The following RNF5 variants were observed in gnomAD, a reference collection of about 807,000 sequenced individuals.
RNF5 encodes ring finger protein 5.
RNF5 carries 16 observed loss-of-function variants against 24.4 expected under a neutral mutation model. The observed-to-expected ratio is 0.66, with a 90% confidence interval of 0.44 to 1.00. The LOEUF (loss-of-function observed/expected upper bound fraction) is 1.00, where lower values mean the gene tolerates loss of function less well. Ranked by LOEUF, RNF5 falls within the 50% of genes least tolerant of loss-of-function variation. RNF5 has a pLI of 0.00. For synonymous variants in RNF5, 64 were observed against 88.5 expected, an observed-to-expected ratio of 0.72 and a Z score of 1.55; for missense variants, 185 against 236.7, an observed-to-expected ratio of 0.78 and a Z score of 1.43.
chr6:32,180,299 C>T lies in RNF5; in HGVS notation c.516C>T (p.Phe172=), dbSNP rs1336881340. Residue 172 remains phenylalanine, a synonymous_variant, in exon 6 of 6, where the codon TTC becomes TTT. Transcript: ENST00000375094. The stretch of plus-strand genomic sequence containing the variant: ...CCCTCTTCCTGTTTCTCGCCATCTT[C>T]TTCTTTTTTTGGCTGCTCAGTATTT... The part of the protein sequence containing the change: ...QDSLFLFLAI[F]FFFWLLSI 15 of 1,610,282 alleles carry T rather than the reference C, an allele frequency of 9.3e-6. No individual in the cohort carries two copies. Among genetic ancestry groups the T allele is most frequent in the African/African-American group, 1.3e-5 (1 of 75,064 alleles).
chr6:32,180,443 G>A lies in RNF5; in HGVS notation c.*117G>A, dbSNP rs939380922. The A allele has an allele frequency of 1.1e-6, 1 of 914,204 alleles. No homozygotes were observed. The highest frequency in any genetic ancestry group is 2.4e-5 in the East Asian group (1 of 41,092). 56.6% of individuals were successfully genotyped at this position (914,204 alleles called of 1,614,324 possible). A position where few individuals can be genotyped will look rare whatever the true frequency, so the allele number is the denominator to read the frequency against. On this transcript the variant is annotated 3_prime_UTR_variant, in exon 6 of 6. Transcript: ENST00000375094. ...CCTCTATTTCTGTTGGCTAAGGCCAGCCCTGGACATTGTCCAGGAAGGCCT... is the reference window on the plus strand; with the variant it reads ...CCTCTATTTCTGTTGGCTAAGGCCAACCCTGGACATTGTCCAGGAAGGCCT...
chr6:32,179,997 C>T lies in RNF5; in HGVS notation c.328-12C>T. 6.2e-7 allele frequency: 1 copy of T among 1,614,124 alleles called. No homozygotes were observed. Among genetic ancestry groups the T allele is most frequent in the South Asian group, 1.1e-5 (1 of 91,086 alleles). On this transcript the variant is annotated splice_polypyrimidine_tract_variant and intron_variant, in intron 4 of 5. Coordinates refer to ENST00000375094, the MANE Select transcript of RNF5 (RefSeq NM_006913.4). The surrounding 1 kb of genome is among the most constrained non-coding windows in gnomAD (Gnocchi z 5.4). Reference sequence around the variant, plus strand: ...TTGCCGGCTTCCTGTCTGACTTTTTCTGCCTCCCTAGGGATTCCAGCCATT... The same window carrying T: ...TTGCCGGCTTCCTGTCTGACTTTTTTTGCCTCCCTAGGGATTCCAGCCATT...
In RNF5 at chr6:32,179,096, C is replaced by T. The variant is rs185565399; in HGVS notation, c.140+445C>T. On this transcript the variant is annotated intron_variant, in intron 1 of 5. Transcript: ENST00000375094. This position sits in a 1 kb window ranked among gnomAD's most constrained non-coding sequence, Gnocchi z 5.4. ...TATAAGGGCACTGTGGAGAGGCAGA[C>T]TTGAAAGGTTAAAGGGTCATAAAGA... Among the ~76,000 whole-genome samples, 1 of 151,930 alleles carries T rather than the reference C, an allele frequency of 6.6e-6. No homozygotes were observed. Among genetic ancestry groups the T allele is most frequent in the African/African-American group, 2.4e-5 (1 of 41,392 alleles).
chr6:32,179,942 T>C lies in RNF5; in HGVS notation c.327+11T>C. 10 of 1,614,238 alleles carry C rather than the reference T, an allele frequency of 6.2e-6. No homozygotes were observed. The highest frequency in any genetic ancestry group is 7.6e-6 in the Non-Finnish European group (9 of 1,180,038). Reference sequence around the variant, plus strand: ...CCGGAGAGCAGAGGGGTGAGTCTTCTTGTCCAGTTGTGTCCCTTCCTTGAC... The same window carrying C: ...CCGGAGAGCAGAGGGGTGAGTCTTCCTGTCCAGTTGTGTCCCTTCCTTGAC... On this transcript the variant is annotated intron_variant, in intron 4 of 5. Transcript: ENST00000375094. This position sits in a 1 kb window ranked among gnomAD's most constrained non-coding sequence, Gnocchi z 5.4.
chr6:32,180,259 C>G lies in RNF5; in HGVS notation c.476C>G (p.Ser159Cys). 6.2e-7 allele frequency: 1 copy of G among 1,612,138 alleles called. No homozygotes were observed. The highest frequency in any genetic ancestry group is 2.2e-5 in the East Asian group (1 of 44,834). Reference protein sequence around the residue: ...GVDLGQGHPASSWQDSLFLFL... With the variant: ...GVDLGQGHPACSWQDSLFLFL... The stretch of plus-strand genomic sequence containing the variant: ...GATCTGGGACAGGGTCACCCAGCCT[C>G]CAGCTGGCAGGATTCCCTCTTCCTG... Residue 159 changes from serine to cysteine, a missense_variant, in exon 6 of 6, where the codon TCC becomes TGC. Ser to Cys is a moderately radical substitution (Grantham distance 112). Transcript: ENST00000375094.
intron 1 of RNF5, 24 bp downstream of exon 1, chr6:32,178,675 G>C (rs1015837274): frequency 1.2e-6 from 2 of 1,606,332 alleles, no homozygotes; most frequent in Non-Finnish European, 1.7e-6. Context: ...AGGGGGGCGG[G>C]AGGTGGTGGG....
rs757729044 is a variant in RNF5 at position 32,178,698 on chromosome 6, A to G, written c.140+47A>G. 3.2e-6 allele frequency: 5 copies of G among 1,585,206 alleles called. No homozygotes were observed. In the South Asian group the frequency reaches 5.5e-5, roughly 18 times the overall value. On this transcript the variant is annotated intron_variant, in intron 1 of 5. Coordinates refer to ENST00000375094, the MANE Select transcript of RNF5 (RefSeq NM_006913.4). ...GGGAGGTGGTGGGTCTCGCTTATAT[A>G]CTGGAGAGGCTAGGAGCGAATAATC...
At position 32,180,470 on chromosome 6, in the gene RNF5, G is replaced by A; in HGVS notation, c.*144G>A. 1.4e-6 allele frequency: 1 copy of A among 711,100 alleles called. No individual in the cohort carries two copies. The highest frequency in any genetic ancestry group is 2.4e-6 in the Non-Finnish European group (1 of 414,280). 44.0% of individuals were successfully genotyped at this position (711,100 alleles called of 1,614,324 possible). A position where few individuals can be genotyped will look rare whatever the true frequency, so the allele number is the denominator to read the frequency against. On this transcript the variant is annotated 3_prime_UTR_variant, in exon 6 of 6. Coordinates refer to ENST00000375094, the MANE Select transcript of RNF5 (RefSeq NM_006913.4). ...CCTGGACATTGTCCAGGAAGGCCTG[G>A]GGAGGAGGAGTGAAGTCTGTGCATA...
In RNF5 at chr6:32,180,613, G is replaced by A. The variant is rs1007982265; in HGVS notation, c.*287G>A. On this transcript the variant is annotated 3_prime_UTR_variant, in exon 6 of 6. Coordinates refer to ENST00000375094, the MANE Select transcript of RNF5 (RefSeq NM_006913.4). ...CCTCTCCTAAGTCTTTGCTTTCCCT[G>A]ATTTCTTGATTTGATCTTCAAAGGT... 3 of 456,852 alleles carry A rather than the reference G, an allele frequency of 6.6e-6. No homozygotes were observed. The highest frequency in any genetic ancestry group is 7.7e-5 in the South Asian group (2 of 26,068). 28.3% of individuals were successfully genotyped at this position (456,852 alleles called of 1,614,324 possible).
rs1561863051 is a variant in RNF5 at position 32,179,711 on chromosome 6, GAGA to G, written c.223_225del (p.Lys75del). 6.2e-7 allele frequency: 1 copy of G among 1,614,188 alleles called. No individual in the cohort carries two copies. Among genetic ancestry groups the G allele is most frequent in the Non-Finnish European group, 8.5e-7 (1 of 1,180,028 alleles). On this transcript the variant is annotated inframe_deletion, in exon 3 of 6. Coordinates refer to ENST00000375094, the MANE Select transcript of RNF5 (RefSeq NM_006913.4). The surrounding 1 kb of genome is among the most constrained non-coding windows in gnomAD (Gnocchi z 5.4). ...AGTATGTAAAGCTGGGATCAGCAGA[GAGA>G]AGGTTGTCCCGCTTTATGGGCGAGG...
In RNF5 at chr6:32,179,663, C is replaced by T. The variant is rs770949300; in HGVS notation, c.172C>T (p.Arg58Trp). The T allele has an allele frequency of 1.1e-5, 18 of 1,614,072 alleles. 1 individual carries two copies. The Admixed American group carries it at 1.3e-4, about 12-fold the overall frequency. ...WPCLHQWLET[R>W]PERQECPVCK... ...TTTTTCTCCCCAGTGGCTGGAGACA[C>T]GGCCAGAACGGCAAGAGTGTCCAGT... The change falls in exon 3 of 6, where the codon CGG becomes TGG. Residue 58 changes from arginine (R) to tryptophan (W), a missense_variant. Coordinates refer to ENST00000375094, the MANE Select transcript of RNF5 (RefSeq NM_006913.4). This position sits in a 1 kb window ranked among gnomAD's most constrained non-coding sequence, Gnocchi z 5.4.
In RNF5 at chr6:32,180,215, CCT is replaced by C. The variant is rs1561864776; in HGVS notation, c.446-8_446-7del. The C allele has an allele frequency of 5.6e-6, 9 of 1,612,320 alleles. No homozygotes were observed. Among genetic ancestry groups the C allele is most frequent in the Non-Finnish European group, 7.6e-6 (9 of 1,179,470 alleles). The stretch of plus-strand genomic sequence containing the variant: ...TAGGAGCATATGCTTCCACAGCTTT[CCT>C]CTCTCCCACAGGTGTGGATCTGGGA... On this transcript the variant is annotated splice_polypyrimidine_tract_variant and intron_variant, in intron 5 of 5. Coordinates refer to ENST00000375094, the MANE Select transcript of RNF5 (RefSeq NM_006913.4).
At position 32,180,286 on chromosome 6, in the gene RNF5, T is replaced by G; in HGVS notation, c.503T>G (p.Phe168Cys). Residue 168 changes from phenylalanine to cysteine, a missense_variant, in exon 6 of 6, where the codon TTT becomes TGT. Physicochemically the swap from Phe to Cys is radical, Grantham distance 205 (BLOSUM62 -2). Transcript: ENST00000375094. Reference sequence around the variant, plus strand: ...AGCTGGCAGGATTCCCTCTTCCTGTTTCTCGCCATCTTCTTCTTTTTTTGG... The same window carrying G: ...AGCTGGCAGGATTCCCTCTTCCTGTGTCTCGCCATCTTCTTCTTTTTTTGG... ...ASSWQDSLFLFLAIFFFFWLL... is the reference protein window; with the variant it reads ...ASSWQDSLFLCLAIFFFFWLL... The G allele has an allele frequency of 6.2e-7, 1 of 1,611,744 alleles. No homozygotes were observed. Among genetic ancestry groups the G allele is most frequent in the Non-Finnish European group, 8.5e-7 (1 of 1,180,012 alleles).
At position 32,180,205 on chromosome 6, in the gene RNF5, C is replaced by T. The variant is rs373646558; in HGVS notation, c.446-24C>T. The T allele has an allele frequency of 1.4e-5, 23 of 1,611,790 alleles. No homozygotes were observed. In the Admixed American group the frequency reaches 1.7e-4, roughly 12 times the overall value. On this transcript the variant is annotated intron_variant, in intron 5 of 5. Coordinates refer to ENST00000375094, the MANE Select transcript of RNF5 (RefSeq NM_006913.4). ...CCTCCCAGCCTAGGAGCATATGCTT[C>T]CACAGCTTTCCTCTCTCCCACAGGT...
rs1297219507 is a variant in RNF5 at position 32,179,534 on chromosome 6, CA to C, written c.141-6del. ...TTGACCTTTTTTTTTTTTTCTCCCC[CA>C]TCCAGTTGGCCATGTCTTCATCAGG... On this transcript the variant is annotated splice_polypyrimidine_tract_variant and splice_region_variant and intron_variant, in intron 1 of 5. Transcript: ENST00000375094. This position sits in a 1 kb window ranked among gnomAD's most constrained non-coding sequence, Gnocchi z 5.4. 3 of 1,612,832 alleles carry C rather than the reference CA, an allele frequency of 1.9e-6. No homozygotes were observed. The African/African-American group carries it at 4.0e-5, about 22-fold the overall frequency.
In RNF5 at chr6:32,180,352, C is replaced by T. The variant is rs775292807; in HGVS notation, c.*26C>T. ...GCTATGTCTGCTTCCTGCCCACCTCCAGCCAGAGAAGAATCAGTATTGAGG... is the reference window on the plus strand; with the variant it reads ...GCTATGTCTGCTTCCTGCCCACCTCTAGCCAGAGAAGAATCAGTATTGAGG... On this transcript the variant is annotated 3_prime_UTR_variant, in exon 6 of 6. Coordinates refer to ENST00000375094, the MANE Select transcript of RNF5 (RefSeq NM_006913.4). The T allele has an allele frequency of 5.0e-6, 8 of 1,586,162 alleles. No homozygotes were observed. The highest frequency in any genetic ancestry group is 6.9e-6 in the Non-Finnish European group (8 of 1,167,596).
chr6:32,179,932 G>T lies in RNF5; in HGVS notation c.327+1G>T. 6.2e-7 allele frequency: 1 copy of T among 1,614,222 alleles called. No homozygotes were observed. The highest frequency in any genetic ancestry group is 8.5e-7 in the Non-Finnish European group (1 of 1,180,036). On this transcript the variant is annotated splice_donor_variant, in intron 4 of 5. Coordinates refer to ENST00000375094, the MANE Select transcript of RNF5 (RefSeq NM_006913.4). LOFTEE classifies it high-confidence loss of function. The surrounding 1 kb of genome is among the most constrained non-coding windows in gnomAD (Gnocchi z 5.4). Reference sequence around the variant, plus strand: ...GAGACCAGCTCCGGAGAGCAGAGGGGTGAGTCTTCTTGTCCAGTTGTGTCC... The same window carrying T: ...GAGACCAGCTCCGGAGAGCAGAGGGTTGAGTCTTCTTGTCCAGTTGTGTCC...
Position 32,179,672 on chromosome 6 carries a change from C to T in RNF5, c.181C>T (p.Arg61Trp), listed in dbSNP as rs768101414. ...LHQWLETRPE[R>W]QECPVCKAGI... ...CCAGTGGCTGGAGACACGGCCAGAA[C>T]GGCAAGAGTGTCCAGTATGTAAAGC... Residue 61 changes from arginine to tryptophan, a missense_variant, in exon 3 of 6, where the codon CGG becomes TGG. Coordinates refer to ENST00000375094, the MANE Select transcript of RNF5 (RefSeq NM_006913.4). This position sits in a 1 kb window ranked among gnomAD's most constrained non-coding sequence, Gnocchi z 5.4. 46 of 1,613,984 alleles carry T rather than the reference C, an allele frequency of 2.9e-5. No individual in the cohort carries two copies. Among genetic ancestry groups the T allele is most frequent in the African/African-American group, 5.3e-5 (4 of 74,878 alleles).
At position 32,180,049 on chromosome 6, in the gene RNF5, C is replaced by G. The variant is rs1261885582; in HGVS notation, c.368C>G (p.Ser123Ter). 1 of 1,614,192 alleles carries G rather than the reference C, an allele frequency of 6.2e-7. No homozygotes were observed. Residue 123 changes from serine to a stop codon, truncating the protein, a stop_gained, in exon 5 of 6, where the codon TCA becomes TGA. Transcript: ENST00000375094. LOFTEE classifies it high-confidence loss of function. Reference sequence around the variant, plus strand: ...GGTGATACCGGGGGCTTCCACTTCTCATTTGGTGTTGGTGCTTTTCCCTTT... The same window carrying G: ...GGTGATACCGGGGGCTTCCACTTCTGATTTGGTGTTGGTGCTTTTCCCTTT... ...PFGDTGGFHF[S>*]FGVGAFPFGF...
Sources: allele counts gnomAD v4.1 joint callset (sites outside exome capture counted in the v4.1 genomes callset), GRCh38; gene constraint gnomAD v4.1.1; non-coding constraint Gnocchi (gnomAD v3.1); transcripts MANE v1.5; gene names NCBI Gene and HGNC (gene_info 2026-07-23, HGNC 2026-07-21).